Variants in CERS5 observed in about 807,000 individuals in gnomAD.
CERS5 encodes the protein ceramide synthase 5.
In CERS5, 37 loss-of-function variants were observed where a neutral mutation model predicts 58.9. The observed-to-expected ratio is 0.63, with a 90% confidence interval of 0.48 to 0.83. CERS5 has a LOEUF of 0.83. Among genes scored for constraint, CERS5 ranks in the 40% least tolerant of loss-of-function variants. The pLI, the probability that CERS5 is intolerant of heterozygous loss-of-function variation, is 0.00. For synonymous variants in CERS5, 147 were observed against 177.8 expected (o/e 0.83, Z 1.38); for missense variants, 398 against 489.3 (o/e 0.81, Z 1.76).
chr12:50,135,311 GTGTGTGTGTGTGTGTGTGTGTGT>G, intron 8 of CERS5: 1 of 25,588 alleles, frequency 3.9e-5, no homozygotes, highest in Non-Finnish European at 6.0e-5. Context: ...AGAGAGGAGT[GTGTGTGTGTGTGTGTGTGTGTGT>G]GTGTGTGTGT....
At chr12:50,133,520 A>ACGG in intron 9 of CERS5, 1 of 988,704 alleles carries the variant, frequency 1.0e-6, no homozygotes, top group Admixed American at 5.9e-5. Context: ...TGGCTTGTGA[A>ACGG]CTACCACACA....
At chr12:50,138,681 C>T in intron 4 of CERS5, 64 bp from the exon 5 acceptor site, 2 of 1,380,444 alleles carry the variant, frequency 1.4e-6, no homozygotes, top group Non-Finnish European at 2.1e-6. Context: ...AGATCTACCT[C>T]ATATAATCCC....
intron 8 of CERS5, chr12:50,135,441 A>C (rs1951635706): frequency 1.6e-6 from 1 of 623,306 alleles, no homozygotes; most frequent in Admixed American, 2.2e-5. Context: ...ACTTAGGCAT[A>C]AAATGAGGAC....
intron 1 of CERS5, among the ~76,000 whole-genome samples, chr12:50,146,561 G>A (rs1405817121): frequency 1.3e-5 from 2 of 152,180 alleles, no homozygotes; most frequent in Non-Finnish European, 2.9e-5. Flanking sequence ...GCTATATGGA[G>A]CGTAAGAACA....
intron 1 of CERS5, among the ~76,000 whole-genome samples, chr12:50,145,664 G>T (rs1952228123): frequency 7.2e-6 from 1 of 138,536 alleles, no homozygotes; most frequent in Admixed American, 7.0e-5. Context: ...TTACACCGGT[G>T]GGGGGGAAAA....
Position 50,130,507 on chromosome 12 carries a change from A to G in CERS5, c.*38T>C, listed in dbSNP as rs1951258752. The stretch of plus-strand genomic sequence containing the variant: ...AGAGGAGTATGTTGCCAGTGGCCCT[A>G]CAAGTCCATGTGTGCTGAAGTCCCT... On this transcript the variant is annotated 3_prime_UTR_variant, in exon 10 of 10. Coordinates refer to ENST00000317551, the MANE Select transcript of CERS5 (RefSeq NM_147190.5). The G allele has an allele frequency of 2.0e-6, 3 of 1,516,290 alleles. No homozygotes were observed. The highest frequency in any genetic ancestry group is 4.7e-5 in the East Asian group (2 of 42,602). The allele number at this position is 1,516,290 out of a possible 1,614,324, so 93.9% of individuals were successfully genotyped here. A position where few individuals can be genotyped will look rare whatever the true frequency, so the allele number is the denominator to read the frequency against.
chr12:50,141,939 C>CAAAAAAAAAAAAAAAAA, intron 4 of CERS5, 114 bp downstream of exon 4: 1 of 404,336 alleles, frequency 2.5e-6, no homozygotes, highest in Non-Finnish European at 4.1e-6. Flanking sequence ...GACTCCGTCT[C>CAAAAAAAAAAAAAAAAA]AAAAAAAAAA....
chr12:50,157,142 G>T (rs1938748296), intron 1 of CERS5, among the ~76,000 whole-genome samples: 1 of 152,036 alleles, frequency 6.6e-6, no homozygotes, highest in South Asian at 2.1e-4. Context: ...TCTTGTGCTG[G>T]ACTCTTCCTC....
chr12:50,148,921 A>ATAGATATATATATAT (rs1218104568), intron 1 of CERS5, among the ~76,000 whole-genome samples: 1 of 78,978 alleles, frequency 1.3e-5, no homozygotes, highest in African/African-American at 5.1e-5. Flanking sequence ...AAAAAAAAAA[A>ATAGATATATATATAT]AAAAAAATAT....
chr12:50,129,327 CTTTT>C lies in CERS5; in HGVS notation c.*1214_*1217del, dbSNP rs776375852. ...TTATTATTGTTTTATCCAATTGCAT[CTTTT>C]GTCAGATTAGCTACACCAACCAATC... On this transcript the variant is annotated 3_prime_UTR_variant, in exon 10 of 10. Coordinates refer to ENST00000317551, the MANE Select transcript of CERS5 (RefSeq NM_147190.5). The C allele has an allele frequency of 6.6e-6, 1 of 152,086 alleles. No homozygotes were observed. The highest frequency in any genetic ancestry group is 1.5e-5 in the Non-Finnish European group (1 of 68,018). The allele number at this position is 152,086 out of a possible 1,614,324, so 9.4% of individuals were successfully genotyped here. A position where few individuals can be genotyped will look rare whatever the true frequency, so the allele number is the denominator to read the frequency against.
intron 4 of CERS5, 67 bp from the exon 5 acceptor site, chr12:50,138,684 A>G: frequency 7.3e-7 from 1 of 1,366,110 alleles, no homozygotes; most frequent in Non-Finnish European, 1.0e-6. Flanking sequence ...TCTACCTCAT[A>G]TAATCCCCTT....
chr12:50,161,495 G>C (rs1320864354), intron 1 of CERS5, among the ~76,000 whole-genome samples: 6 of 152,204 alleles, frequency 3.9e-5, no homozygotes, highest in Admixed American at 2.0e-4. Flanking sequence ...AAGCAAAGTT[G>C]GCCAGATGCG....
intron 2 of CERS5, chr12:50,143,525 T>TG (rs1177460689): frequency 7.0e-6 from 2 of 286,922 alleles, no homozygotes; most frequent in Non-Finnish European, 1.3e-5. Flanking sequence ...GGCCGAAGGA[T>TG]GGCTTGAGCC....
At chr12:50,132,355 T>C (rs540498411) in intron 9 of CERS5, among the ~76,000 whole-genome samples, 1 of 151,742 alleles carries the variant, frequency 6.6e-6, no homozygotes, top group East Asian at 1.9e-4. Flanking sequence ...TGAGCCAAGA[T>C]CACGCCATTG....
chr12:50,162,692 C>A (rs34573394), intron 1 of CERS5, among the ~76,000 whole-genome samples: 43,101 of 151,728 alleles, frequency 0.28, 7,372 homozygotes, highest in Middle Eastern at 0.4. Flanking sequence ...CAACCTCCAC[C>A]TCCCGGGTTC....
At chr12:50,133,299 C>CT (rs1368983347) in intron 9 of CERS5, 7 of 1,077,020 alleles carry the variant, frequency 6.5e-6, no homozygotes, top group African/African-American at 3.3e-5. Context: ...AGCCCTTTGA[C>CT]TACAGTCTGA....
At chr12:50,163,555 G>C (rs532475069) in intron 1 of CERS5, among the ~76,000 whole-genome samples, 1 of 152,188 alleles carries the variant, frequency 6.6e-6, no homozygotes, top group Non-Finnish European at 1.5e-5. Flanking sequence ...TCTAGGCCAG[G>C]GGCAGTGGCT....
chr12:50,133,681 TAAAA>T, intron 9 of CERS5: 1 of 985,500 alleles, frequency 1.0e-6, no homozygotes, highest in Admixed American at 6.1e-5. Context: ...GGCCATCTCT[TAAAA>T]AACTCTTAAC....
intron 4 of CERS5, among the ~76,000 whole-genome samples, chr12:50,140,290 T>TTTTTG: frequency 7.3e-6 from 1 of 136,938 alleles, no homozygotes; most frequent in Non-Finnish European, 1.5e-5. Context: ...CCAAATTTTT[T>TTTTTG]TTTTTTTTTT....
Sources: gnomAD v4.1 joint callset for allele counts (sites outside exome capture counted in the v4.1 genomes callset) on GRCh38, gnomAD v4.1.1 for gene constraint, MANE v1.5 for transcripts, NCBI Gene and HGNC (gene_info 2026-07-23, HGNC 2026-07-21) for gene names.